ROBO3: variants seen among roughly 807,000 people sequenced by gnomAD.
The protein encoded by ROBO3 is roundabout homolog 3.
In ROBO3, 97 loss-of-function variants were observed where a neutral mutation model predicts 160.5. The observed-to-expected ratio is 0.60, with a 90% CI of 0.51 to 0.72. The LOEUF (loss-of-function observed/expected upper bound fraction) is 0.72. ROBO3 is among the 30% of genes least tolerant of loss of function. The pLI is 0.00. For missense variants in ROBO3, 1,858 were observed against 1,846.5 expected (o/e 1.01, Z -0.11); for synonymous variants, 780 against 746.2 (o/e 1.05, Z -0.74).
chr11:124,871,704 C>T (rs1946281731), intron 7 of ROBO3, among the ~76,000 whole-genome samples: 1 of 152,182 alleles, frequency 6.6e-6, no homozygotes, highest in South Asian at 2.1e-4. Flanking sequence ...AGGAATTTTG[C>T]TACTGGAAAC....
rs2135324735 is a variant in ROBO3, at chr11:124,869,031, C to T, written c.390C>T (p.His130=). Residue 130 remains histidine (H), a synonymous_variant, in exon 2 of 28, where the codon CAC becomes CAT. Transcript: ENST00000397801. This position sits in a 1 kb window ranked among gnomAD's most constrained non-coding sequence, Gnocchi z 4.2. ...SGALFFPRIV[H]GRRARPDEGV... is the part of the protein sequence containing the mutation. Reference sequence around the variant, plus strand: ...CCCTCTTCTTCCCGCGCATCGTGCACGGGCGCCGCGCGCGGCCGGACGAAG... The same window carrying T: ...CCCTCTTCTTCCCGCGCATCGTGCATGGGCGCCGCGCGCGGCCGGACGAAG... The T allele has an allele frequency of 6.2e-7, 1 of 1,601,914 alleles. No individual in the cohort carries two copies. Among genetic ancestry groups the T allele is most frequent in the Non-Finnish European group, 8.5e-7 (1 of 1,174,896 alleles).
rs201559715 is a variant in ROBO3, at chr11:124,878,309, G to A, written c.3193G>A (p.Gly1065Ser). The part of the protein sequence containing the change: ...WSQGDSGAKG[G>S]KVKLLGKPVQ... Reference sequence around the variant, plus strand: ...CCTATTCTCCTCAGGAGCCAAGGGAGGCAAAGTGAAGCTTCTGGGGAAACC... The same window carrying A: ...CCTATTCTCCTCAGGAGCCAAGGGAAGCAAAGTGAAGCTTCTGGGGAAACC... The change falls in exon 22 of 28, where the codon GGC becomes AGC. Residue 1065 changes from glycine (G) to serine (S), a missense_variant. By Grantham distance (56) the Gly-to-Ser change is moderately conservative (BLOSUM62 0). Coordinates refer to ENST00000397801, the MANE Select transcript of ROBO3 (RefSeq NM_022370.4). This position sits in a 1 kb window ranked among gnomAD's most constrained non-coding sequence, Gnocchi z 4.3. 79 of 1,613,364 alleles carry A rather than the reference G, an allele frequency of 4.9e-5. No individual in the cohort carries two copies. The African/African-American group carries it at 9.1e-4, about 19-fold the overall frequency.
At chr11:124,874,743 C>T (rs1288696017) in intron 12 of ROBO3, 45 bp from the exon 13 acceptor site, 10 of 1,576,776 alleles carry the variant, frequency 6.3e-6, no homozygotes, top group Non-Finnish European at 6.0e-6. Flanking sequence ...AGCCCTATCT[C>T]CCTGTCCCTG....
Position 124,878,327 on chromosome 11 carries a change from G to A in ROBO3, c.3211G>A (p.Gly1071Arg), listed in dbSNP as rs1259825092. ...GAKGGKVKLLGKPVQMPSLNW... is the reference protein window; with the variant it reads ...GAKGGKVKLLRKPVQMPSLNW... ...CAAGGGAGGCAAAGTGAAGCTTCTG[G>A]GGAAACCTGTGCAGATGCCCTCTCT... The change falls in exon 22 of 28, where the codon GGG becomes AGG. Residue 1071 changes from glycine (G) to arginine (R), a missense_variant. Transcript: ENST00000397801. This position sits in a 1 kb window ranked among gnomAD's most constrained non-coding sequence, Gnocchi z 4.3. 1 of 1,613,652 alleles carries A rather than the reference G, an allele frequency of 6.2e-7. No homozygotes were observed. Among genetic ancestry groups the A allele is most frequent in the East Asian group, 2.2e-5 (1 of 44,860 alleles).
At position 124,865,513 on chromosome 11, in the gene ROBO3, C is replaced by T; in HGVS notation, c.-65C>T. 6.5e-7 allele frequency: 1 copy of T among 1,544,468 alleles called. No individual in the cohort carries two copies. Among genetic ancestry groups the T allele is most frequent in the Non-Finnish European group, 8.8e-7 (1 of 1,138,202 alleles). On this transcript the variant is annotated 5_prime_UTR_variant, in exon 1 of 28. Coordinates refer to ENST00000397801, the MANE Select transcript of ROBO3 (RefSeq NM_022370.4). The surrounding 1 kb of genome is among the most constrained non-coding windows in gnomAD (Gnocchi z 5.5). ...TGTGGAGGGGCTTACGGCTCCCAGC[C>T]CACGGGTCTCAGACCCAGGGGCTGG...
rs747324783 is a variant in ROBO3, at chr11:124,878,563, C to T, written c.3321-21C>T. On this transcript the variant is annotated intron_variant, in intron 22 of 27. Coordinates refer to ENST00000397801, the MANE Select transcript of ROBO3 (RefSeq NM_022370.4). The surrounding 1 kb of genome is among the most constrained non-coding windows in gnomAD (Gnocchi z 4.3). The stretch of plus-strand genomic sequence containing the variant: ...GGAAGCAGCTGAGCCCTTTCCTTCT[C>T]TCCTGCCTCTTTGATCCCAGCTCAG... 6.2e-7 allele frequency: 1 copy of T among 1,607,632 alleles called. No homozygotes were observed. The highest frequency in any genetic ancestry group is 1.7e-4 in the Middle Eastern group (1 of 6,052).
At position 124,869,312 on chromosome 11, in the gene ROBO3, A is replaced by G. The variant is rs942718916; in HGVS notation, c.488-138A>G. The G allele has an allele frequency of 2.7e-6, 3 of 1,101,776 alleles. No individual in the cohort carries two copies. The highest frequency in any genetic ancestry group is 2.0e-5 in the Admixed American group (1 of 50,430). The allele number at this position is 1,101,776 out of a possible 1,614,324, so 68.2% of individuals were successfully genotyped here. A position where few individuals can be genotyped will look rare whatever the true frequency, so the allele number is the denominator to read the frequency against. ...CAGAGAAGGAAGTGGATCTGACTCC[A>G]GGCTGATATTTTCTCACCTGGGAAC... On this transcript the variant is annotated intron_variant, in intron 2 of 27. Transcript: ENST00000397801. The surrounding 1 kb of genome is among the most constrained non-coding windows in gnomAD (Gnocchi z 4.2).
rs770210580 is a variant in ROBO3 at position 124,877,501 on chromosome 11, T to C, written c.2847-18T>C. 1 of 1,600,092 alleles carries C rather than the reference T, an allele frequency of 6.2e-7. No individual in the cohort carries two copies. ...TCTTCAGGCTCTCCGTCCCCAACGC[T>C]CACCTGCTCTCCCTCAGGCCACCCA... On this transcript the variant is annotated intron_variant, in intron 19 of 27. Coordinates refer to ENST00000397801, the MANE Select transcript of ROBO3 (RefSeq NM_022370.4).
chr11:124,875,483 A>C, intron 14 of ROBO3, 81 bp from the exon 15 acceptor site: 1 of 1,587,828 alleles, frequency 6.3e-7, no homozygotes, highest in South Asian at 1.1e-5. Flanking sequence ...ATGTTAGAAC[A>C]GGGAGGGGGA....
At chr11:124,879,398 T>C in intron 24 of ROBO3, 57 bp downstream of exon 24, 3 of 1,607,050 alleles carry the variant, frequency 1.9e-6, no homozygotes, top group Non-Finnish European at 2.6e-6. Context: ...TGCTTCCCCT[T>C]CACCCTTAGG....
chr11:124,868,257 G>A (rs1946228656), intron 1 of ROBO3, among the ~76,000 whole-genome samples: 1 of 152,198 alleles, frequency 6.6e-6, no homozygotes, highest in Admixed American at 6.5e-5. Context: ...AGCCCTTCTA[G>A]GCCCGGCCCT....
rs1440922251 is a variant in ROBO3, at chr11:124,870,680, G to A, written c.985G>A (p.Glu329Lys). The change falls in exon 6 of 28, where the codon GAG becomes AAG. Residue 329 changes from glutamate to lysine, a missense_variant. Transcript: ENST00000397801. Reference sequence around the variant, plus strand: ...TGAGGGAACGTACACCTGTGTGGCGGAGAACAGTGTGGGCCGCGCTGAAGC... The same window carrying A: ...TGAGGGAACGTACACCTGTGTGGCGAAGAACAGTGTGGGCCGCGCTGAAGC... ...EDEGTYTCVA[E>K]NSVGRAEASG... The A allele has an allele frequency of 6.2e-7, 1 of 1,613,050 alleles. No individual in the cohort carries two copies. Among genetic ancestry groups the A allele is most frequent in the Non-Finnish European group, 8.5e-7 (1 of 1,179,624 alleles).
rs1303149411 is a variant in ROBO3, at chr11:124,869,443, C to T, written c.488-7C>T. 2 of 1,509,782 alleles carry T rather than the reference C, an allele frequency of 1.3e-6. No homozygotes were observed. The highest frequency in any genetic ancestry group is 1.9e-5 in the Admixed American group (1 of 52,012). The allele number at this position is 1,509,782 out of a possible 1,614,324, so 93.5% of individuals were successfully genotyped here. On this transcript the variant is annotated splice_polypyrimidine_tract_variant and splice_region_variant and intron_variant, in intron 2 of 27. Coordinates refer to ENST00000397801, the MANE Select transcript of ROBO3 (RefSeq NM_022370.4). This position sits in a 1 kb window ranked among gnomAD's most constrained non-coding sequence, Gnocchi z 4.2. ...CTGCTTATTTCGCCCCCCACCGCCC[C>T]GCCCAGTCCTCCGTGATGATTTCCG...
chr11:124,869,199 G>A lies in ROBO3; in HGVS notation c.487+71G>A. The stretch of plus-strand genomic sequence containing the variant: ...TAGGCGGGAGGGCACTGGGCAATCA[G>A]ACCCAGAACCAGCCCCAAAGGACTT... On this transcript the variant is annotated intron_variant, in intron 2 of 27. Transcript: ENST00000397801. This position sits in a 1 kb window ranked among gnomAD's most constrained non-coding sequence, Gnocchi z 4.2. 2 of 1,444,672 alleles carry A rather than the reference G, an allele frequency of 1.4e-6. No individual in the cohort carries two copies. Among genetic ancestry groups the A allele is most frequent in the Non-Finnish European group, 1.9e-6 (2 of 1,071,374 alleles). The allele number at this position is 1,444,672 out of a possible 1,614,324, so 89.5% of individuals were successfully genotyped here.
rs779287530 is a variant in ROBO3, at chr11:124,877,664, G to A, written c.2986+6G>A. 3.1e-6 allele frequency: 5 copies of A among 1,610,196 alleles called. No individual in the cohort carries two copies. Among genetic ancestry groups the A allele is most frequent in the African/African-American group, 2.7e-5 (2 of 74,886 alleles). On this transcript the variant is annotated splice_donor_region_variant and intron_variant, in intron 20 of 27. Transcript: ENST00000397801. ...GGACGACAGATATTACAACGGTGAG[G>A]AGTTCTCATTCCCTCACCTGGCTTC...
chr11:124,878,014 A>G lies in ROBO3; in HGVS notation c.3064A>G (p.Ile1022Val), dbSNP rs767461543. 1.2e-5 allele frequency: 19 copies of G among 1,612,180 alleles called. No homozygotes were observed. The East Asian group carries it at 1.3e-4, about 11-fold the overall frequency. ...TGGCGAGGGTCCTGTCTATAGCACC[A>G]TTGACCCAGCGGGGGAGGAGCTGCA... ...APGEGPVYST[I>V]DPAGEELQTF... Residue 1022 changes from isoleucine (I) to valine (V), a missense_variant, in exon 21 of 28, where the codon ATT (isoleucine) becomes GTT (valine). Physicochemically the swap from Ile to Val is conservative, Grantham distance 29 (BLOSUM62 3). Transcript: ENST00000397801. The surrounding 1 kb of genome is among the most constrained non-coding windows in gnomAD (Gnocchi z 4.3).
chr11:124,875,896 T>C (rs1946354437), intron 15 of ROBO3, 58 bp from the exon 16 acceptor site: 12 of 1,552,790 alleles, frequency 7.7e-6, no homozygotes, highest in Non-Finnish European at 1.0e-5. Context: ...GCCTTAAGTT[T>C]CCCGGTGAGG....
intron 5 of ROBO3, 76 bp downstream of exon 5, chr11:124,870,379 A>C: frequency 6.5e-7 from 1 of 1,537,384 alleles, no homozygotes; most frequent in South Asian, 1.2e-5. Context: ...ACCGGAAGAC[A>C]GGCACATTCT....
At chr11:124,870,976 C>T (rs753392346) in intron 6 of ROBO3, 38 bp from the exon 7 acceptor site, 4 of 1,594,064 alleles carry the variant, frequency 2.5e-6, no homozygotes, top group Non-Finnish European at 3.4e-6. Flanking sequence ...CTTAGTGCCT[C>T]TGACTACCTG....
Sources: gnomAD v4.1 joint callset for allele counts (sites outside exome capture counted in the v4.1 genomes callset) on GRCh38, gnomAD v4.1.1 for gene constraint, Gnocchi (gnomAD v3.1) non-coding constraint, MANE v1.5 for transcripts, NCBI Gene and HGNC (gene_info 2026-07-23, HGNC 2026-07-21) for gene names.